GRSF1: variants seen among roughly 807,000 people sequenced by gnomAD.
The protein encoded by GRSF1 is G-rich sequence factor 1.
Under a neutral mutation model 51.1 loss-of-function variants are expected in GRSF1, and 50 were observed. The ratio of observed to expected loss-of-function variants is 0.98; its 90% confidence interval spans 0.78 to 1.24. The LOEUF (loss-of-function observed/expected upper bound fraction) is 1.24. Ranked by LOEUF, GRSF1 falls within the 50% of genes most tolerant of loss-of-function variation. The probability of loss-of-function intolerance (pLI) is 0.00; values close to 1 mark genes in which losing one functional copy is unlikely to be tolerated. For missense variants in GRSF1, 700 were observed against 639.7 expected, an observed-to-expected ratio of 1.09 and a Z score of -1.02; for synonymous variants, 293 against 253.3, an observed-to-expected ratio of 1.16 and a Z score of -1.49.
rs1044628784 is a variant in GRSF1, at chr4:70,839,436, G to A, written c.357+35C>T. On this transcript the variant is annotated intron_variant, in intron 1 of 9. Transcript: ENST00000254799. ...GGGCGCGTGCACGCGGCCCGGGAGG[G>A]ATCTCGCGCCAGGTCCCTCACGGCG... 3.1e-5 allele frequency: 46 copies of A among 1,483,334 alleles called. No homozygotes were observed. In the African/African-American group the frequency reaches 3.6e-4, roughly 12 times the overall value. The allele number at this position is 1,483,334 out of a possible 1,614,324, so 91.9% of individuals were successfully genotyped here.
At position 70,836,216 on chromosome 4, in the gene GRSF1, A is replaced by G; in HGVS notation, c.456T>C (p.Ile152=). ...ATGACCAGGGCAGTCCTTGAGCTCGAATGAGAAAGACATCATCCACTTCCT... is the reference window on the plus strand; with the variant it reads ...ATGACCAGGGCAGTCCTTGAGCTCGGATGAGAAAGACATCATCCACTTCCT... The part of the protein sequence containing the change: ...LEEEVDDVFL[I]RAQGLPWSCT... Residue 152 remains isoleucine (I), a synonymous_variant, in exon 2 of 10, where the codon ATT becomes ATC. Coordinates refer to ENST00000254799, the MANE Select transcript of GRSF1 (RefSeq NM_002092.4). The G allele has an allele frequency of 6.2e-7, 1 of 1,610,150 alleles. No individual in the cohort carries two copies. Among genetic ancestry groups the G allele is most frequent in the Non-Finnish European group, 8.5e-7 (1 of 1,178,364 alleles).
Position 70,839,589 on chromosome 4 carries a change from G to C in GRSF1, c.239C>G (p.Pro80Arg), listed in dbSNP as rs1349011842. The C allele has an allele frequency of 2.8e-6, 4 of 1,416,550 alleles. No individual in the cohort carries two copies. The highest frequency in any genetic ancestry group is 1.5e-5 in the African/African-American group (1 of 66,660). The allele number at this position is 1,416,550 out of a possible 1,614,324, so 87.7% of individuals were successfully genotyped here. A position where few individuals can be genotyped will look rare whatever the true frequency, so the allele number is the denominator to read the frequency against. Residue 80 changes from proline to arginine, a missense_variant, in exon 1 of 10, where the codon CCC becomes CGC. Pro to Arg is a moderately radical substitution (Grantham distance 103). Transcript: ENST00000254799. ...PVPPGRLAGP[P>R]AVATSAAAAA... ...GGCCGCGGCAGAGGTGGCCACAGCG[G>C]GAGGCCCCGCCAGCCTCCCGGGAGG...
At chr4:70,821,395 A>T (rs1733490552) in intron 9 of GRSF1, among the ~76,000 whole-genome samples, 2 of 151,884 alleles carry the variant, frequency 1.3e-5, no homozygotes, top group Admixed American at 1.3e-4. Flanking sequence ...ATTGCACTCC[A>T]ACCTGGGCAA....
At position 70,816,803 on chromosome 4, in the gene GRSF1, T is replaced by C. The variant is rs1471749860; in HGVS notation, c.*4084A>G. The C allele has an allele frequency of 2.0e-5, 3 of 152,154 alleles. No individual in the cohort carries two copies. The highest frequency in any genetic ancestry group is 4.4e-5 in the Non-Finnish European group (3 of 68,032). 9.4% of individuals were successfully genotyped at this position (152,154 alleles called of 1,614,324 possible). A position where few individuals can be genotyped will look rare whatever the true frequency, so the allele number is the denominator to read the frequency against. The stretch of plus-strand genomic sequence containing the variant: ...AAAGTGAAAAATGTCTACAACTTAC[T>C]TGGACATGCATATAGAAAAAAAGAT... On this transcript the variant is annotated 3_prime_UTR_variant, in exon 10 of 10. Transcript: ENST00000254799.
chr4:70,839,985 A>T, upstream of GRSF1: 1 of 601,338 alleles, frequency 1.7e-6, no homozygotes, highest in Non-Finnish European at 2.7e-6. Context: ...GGTGGAGGAG[A>T]GCGCGACGCT....
intron 9 of GRSF1, among the ~76,000 whole-genome samples, chr4:70,823,346 G>A (rs1299164326): frequency 6.6e-6 from 1 of 151,654 alleles, no homozygotes; most frequent in East Asian, 1.9e-4. Flanking sequence ...GCAGTGAGTG[G>A]AGATCGAGCC....
At chr4:70,841,635 T>C (rs921119574), upstream of GRSF1, among the ~76,000 whole-genome samples, 1 of 152,230 alleles carries the variant, frequency 6.6e-6, no homozygotes, top group Non-Finnish European at 1.5e-5. Flanking sequence ...TTATTTTCTT[T>C]GCTAGAATAT....
At chr4:70,826,062 C>G (rs993890992) in intron 7 of GRSF1, 62 bp downstream of exon 7, 5 of 1,403,840 alleles carry the variant, frequency 3.6e-6, no homozygotes, top group East Asian at 2.3e-5. Context: ...CAAATTAATA[C>G]AAGTTCAATT....
chr4:70,842,357 A>T (rs1578315167), upstream of GRSF1, among the ~76,000 whole-genome samples: 2 of 152,182 alleles, frequency 1.3e-5, no homozygotes, highest in East Asian at 3.8e-4. Context: ...CCCAAGGAAA[A>T]CAAAGAACAG....
At chr4:70,830,879 T>C (rs1347102978) in intron 5 of GRSF1, among the ~76,000 whole-genome samples, 1 of 152,134 alleles carries the variant, frequency 6.6e-6, no homozygotes, top group East Asian at 1.9e-4. Flanking sequence ...TGAACTGTTA[T>C]TAGATAATAT....
At chr4:70,835,049 A>G (rs1008785169) in intron 2 of GRSF1, among the ~76,000 whole-genome samples, 1 of 152,138 alleles carries the variant, frequency 6.6e-6, no homozygotes, top group African/African-American at 2.4e-5. Flanking sequence ...TACAGTATTA[A>G]GTTTAATGTT....
In GRSF1 at chr4:70,825,520, T is replaced by A. The variant is rs904207332; in HGVS notation, c.1258-89A>T. 9 of 962,646 alleles carry A rather than the reference T, an allele frequency of 9.3e-6. No individual in the cohort carries two copies. The African/African-American group carries it at 1.2e-4, about 12-fold the overall frequency. 59.6% of individuals were successfully genotyped at this position (962,646 alleles called of 1,614,324 possible). A position where few individuals can be genotyped will look rare whatever the true frequency, so the allele number is the denominator to read the frequency against. ...TGGCTCTTCATCTTTCTTTCAGACT[T>A]TGATTCATACACTTGATACATTTCT... On this transcript the variant is annotated intron_variant, in intron 7 of 9. Transcript: ENST00000254799.
chr4:70,826,121 C>A lies in GRSF1; in HGVS notation c.1257+3G>T. The stretch of plus-strand genomic sequence containing the variant: ...TGAGATTGGATATCTTACTGCCACA[C>A]ACGTTTATAATGTCTTGGGCATTGG... On this transcript the variant is annotated splice_donor_region_variant and intron_variant, in intron 7 of 9. Transcript: ENST00000254799. 1 of 1,608,188 alleles carries A rather than the reference C, an allele frequency of 6.2e-7. No homozygotes were observed. The highest frequency in any genetic ancestry group is 1.1e-5 in the South Asian group (1 of 90,112).
intron 8 of GRSF1, among the ~76,000 whole-genome samples, chr4:70,825,090 A>G (rs1179186483): frequency 1.3e-5 from 2 of 152,216 alleles, no homozygotes; most frequent in African/African-American, 4.8e-5. Flanking sequence ...TGACAAAAAA[A>G]AAAGAAAGAA....
chr4:70,836,121 A>G, intron 2 of GRSF1, 37 bp downstream of exon 2: 1 of 1,229,102 alleles, frequency 8.1e-7, no homozygotes, highest in Non-Finnish European at 1.1e-6. Flanking sequence ...CAATATAAGG[A>G]AAAAAAATAA....
intron 2 of GRSF1, among the ~76,000 whole-genome samples, chr4:70,834,574 G>T (rs1323775174): frequency 6.6e-6 from 1 of 152,012 alleles, no homozygotes; most frequent in Non-Finnish European, 1.5e-5. Context: ...ATGGGAGTTC[G>T]GTATACAGAT....
At position 70,836,139 on chromosome 4, in the gene GRSF1, A is replaced by T. The variant is rs751512600; in HGVS notation, c.514+19T>A. ...TATAAGGAAAAAAAATAAATAAATA[A>T]AACATACATAAAATATACCTGAAAA... is the stretch of plus-strand genomic sequence containing the variant. On this transcript the variant is annotated intron_variant, in intron 2 of 9. Transcript: ENST00000254799. 11 of 1,373,202 alleles carry T rather than the reference A, an allele frequency of 8.0e-6. No homozygotes were observed. The Admixed American group carries it at 3.3e-4, about 42-fold the overall frequency. The allele number at this position is 1,373,202 out of a possible 1,614,324, so 85.1% of individuals were successfully genotyped here. A position where few individuals can be genotyped will look rare whatever the true frequency, so the allele number is the denominator to read the frequency against.
chr4:70,836,159 T>C lies in GRSF1; in HGVS notation c.513A>G (p.Ser171=). 6.6e-7 allele frequency: 1 copy of C among 1,505,562 alleles called. No individual in the cohort carries two copies. Among genetic ancestry groups the C allele is most frequent in the Non-Finnish European group, 8.9e-7 (1 of 1,127,184 alleles). 93.3% of individuals were successfully genotyped at this position (1,505,562 alleles called of 1,614,324 possible). Residue 171 remains serine (S), a splice_region_variant and synonymous_variant, in exon 2 of 10, where the codon TCA becomes TCG. Coordinates refer to ENST00000254799, the MANE Select transcript of GRSF1 (RefSeq NM_002092.4). ...AAATAAAACATACATAAAATATACCTGAAAAAAAGTTAAGCACATCTTCCA... is the reference window on the plus strand; with the variant it reads ...AAATAAAACATACATAAAATATACCCGAAAAAAAGTTAAGCACATCTTCCA... ...CTMEDVLNFF[S]DCRIRNGENG...
At chr4:70,839,385 G>A in intron 1 of GRSF1, 86 bp downstream of exon 1, 1 of 1,506,602 alleles carries the variant, frequency 6.6e-7, no homozygotes, top group Non-Finnish European at 8.9e-7. Context: ...CCCGCGAGGC[G>A]CACACGGAGG....
Sources: gnomAD v4.1 joint callset for allele counts (sites outside exome capture counted in the v4.1 genomes callset) on GRCh38, gnomAD v4.1.1 for gene constraint, MANE v1.5 for transcripts, NCBI Gene and HGNC (gene_info 2026-07-23, HGNC 2026-07-21) for gene names.